Variants in TTC29 observed in about 807,000 individuals in gnomAD.
The protein encoded by TTC29 is tetratricopeptide repeat protein 29.
In TTC29, 49 loss-of-function variants were observed where a neutral mutation model predicts 58.1. The observed-to-expected ratio is 0.84, with a 90% CI of 0.67 to 1.07. TTC29 has a LOEUF of 1.07. Among genes scored for constraint, TTC29 ranks in the 50% least tolerant of loss-of-function variants. The probability of loss-of-function intolerance (pLI) is 0.00; values close to 1 mark genes in which losing one functional copy is unlikely to be tolerated. For synonymous variants in TTC29, 209 were observed against 196.8 expected (o/e 1.06, Z -0.52); for missense variants, 582 against 555.6 (o/e 1.05, Z -0.48).
At position 146,803,781 on chromosome 4, in the gene TTC29, T is replaced by C. The variant is rs146034424; in HGVS notation, c.1102-96A>G. 2.5e-4 allele frequency: 233 copies of C among 922,664 alleles called. 1 individual carries two copies. The East Asian group carries it at 6.2e-3, about 25-fold the overall frequency. 57.2% of individuals were successfully genotyped at this position (922,664 alleles called of 1,614,324 possible). On this transcript the variant is annotated intron_variant, in intron 10 of 12. Transcript: ENST00000325106. ...CCCTGGCATGTCCCACACTGACCTTTCGACAGTTACAGCAGTTCATCTTCA... is the reference window on the plus strand; with the variant it reads ...CCCTGGCATGTCCCACACTGACCTTCCGACAGTTACAGCAGTTCATCTTCA...
At chr4:146,756,295 A>G (rs1372781375) in intron 11 of TTC29, among the ~76,000 whole-genome samples, 2 of 151,378 alleles carry the variant, frequency 1.3e-5, no homozygotes, top group East Asian at 3.9e-4. Context: ...AAAAATCTGT[A>G]GTCAGATTCA....
chr4:146,921,654 T>C (rs1036975273), intron 4 of TTC29, among the ~76,000 whole-genome samples: 1 of 151,068 alleles, frequency 6.6e-6, no homozygotes, highest in African/African-American at 2.4e-5. Flanking sequence ...CCTAATAATA[T>C]AGCTTAAAAA....
At chr4:146,875,857 T>C (rs66636698) in intron 6 of TTC29, among the ~76,000 whole-genome samples, 8,152 of 152,296 alleles carry the variant, frequency 0.054, 340 homozygotes, top group East Asian at 0.13. Context: ...CCTTAAAATA[T>C]GAGCAAACAT....
intron 11 of TTC29, among the ~76,000 whole-genome samples, chr4:146,769,289 A>C (rs1331976673): frequency 6.6e-6 from 1 of 151,992 alleles, no homozygotes; most frequent in Non-Finnish European, 1.5e-5. Flanking sequence ...TTTTAGACAA[A>C]CACTGACTTA....
chr4:146,728,602 A>C (rs1743969259), intron 11 of TTC29, among the ~76,000 whole-genome samples: 1 of 150,258 alleles, frequency 6.7e-6, no homozygotes, highest in Admixed American at 6.7e-5. Flanking sequence ...GGGCCAATTT[A>C]TTTATTTATT....
intron 11 of TTC29, among the ~76,000 whole-genome samples, chr4:146,778,668 T>C (rs971408534): frequency 4.9e-4 from 75 of 152,270 alleles, no homozygotes; most frequent in African/African-American, 1.7e-3. Context: ...GCATATTTAC[T>C]TTCTAGAAAT....
At chr4:146,728,827 A>ATACATACACATATATATGTATATATACG in intron 11 of TTC29, among the ~76,000 whole-genome samples, 1 of 67,744 alleles carries the variant, frequency 1.5e-5, no homozygotes, top group Non-Finnish European at 3.2e-5. Context: ...GTATATATAC[A>ATACATACACATATATATGTATATATACG]TATATATACA....
intron 8 of TTC29, among the ~76,000 whole-genome samples, chr4:146,866,605 T>A (rs1015405731): frequency 2.0e-5 from 3 of 152,092 alleles, no homozygotes; most frequent in African/African-American, 4.8e-5. Context: ...CCCCAAGGTA[T>A]CAGAAACAAA....
chr4:146,828,301 A>G (rs989411326), intron 9 of TTC29, among the ~76,000 whole-genome samples: 1 of 152,126 alleles, frequency 6.6e-6, no homozygotes, highest in South Asian at 2.1e-4. Context: ...TGAGTATAAA[A>G]TATTAATAAA....
At chr4:146,763,578 G>T (rs551551206) in intron 11 of TTC29, among the ~76,000 whole-genome samples, 2 of 152,178 alleles carry the variant, frequency 1.3e-5, no homozygotes, top group Non-Finnish European at 2.9e-5. Context: ...TTAGGTTAGT[G>T]CTCTTAAGGC....
chr4:146,746,567 A>G (rs563679067), intron 11 of TTC29, among the ~76,000 whole-genome samples: 1 of 152,344 alleles, frequency 6.6e-6, no homozygotes, highest in South Asian at 2.1e-4. Flanking sequence ...TTTGGTTTAC[A>G]AGTATTTTCC....
chr4:146,829,004 A>G (rs1727988713), intron 9 of TTC29, among the ~76,000 whole-genome samples: 1 of 152,224 alleles, frequency 6.6e-6, no homozygotes, highest in Non-Finnish European at 1.5e-5. Context: ...GCTTATTTGT[A>G]TAAGTTAAAG....
intron 11 of TTC29, among the ~76,000 whole-genome samples, chr4:146,708,319 T>TATAA (rs1393397374): frequency 6.3e-4 from 17 of 27,184 alleles, no homozygotes; most frequent in Non-Finnish European, 2.2e-3. Flanking sequence ...TATATATATA[T>TATAA]ATATATATAT....
chr4:146,861,089 T>C (rs771259641), intron 8 of TTC29, among the ~76,000 whole-genome samples: 1 of 152,284 alleles, frequency 6.6e-6, no homozygotes, highest in South Asian at 2.1e-4. Context: ...GTTTTAAAGA[T>C]TGAATAAAGT....
chr4:146,790,049 C>T (rs1278087504), intron 11 of TTC29, among the ~76,000 whole-genome samples: 1 of 152,146 alleles, frequency 6.6e-6, no homozygotes, highest in Non-Finnish European at 1.5e-5. Context: ...ACAAGCCTTG[C>T]TTTATCTGGA....
chr4:146,753,952 C>T (rs1253130146), intron 11 of TTC29, among the ~76,000 whole-genome samples: 2 of 151,664 alleles, frequency 1.3e-5, no homozygotes, highest in South Asian at 2.1e-4. Context: ...ATACCTAATG[C>T]TAAATGACGA....
At chr4:146,927,566 A>C (rs1735024987) in intron 4 of TTC29, among the ~76,000 whole-genome samples, 3 of 152,198 alleles carry the variant, frequency 2.0e-5, no homozygotes, top group Non-Finnish European at 4.4e-5. Context: ...CTGTACTATA[A>C]TACATACATA....
At chr4:146,869,658 A>G (rs775924305) in intron 7 of TTC29, among the ~76,000 whole-genome samples, 2 of 152,076 alleles carry the variant, frequency 1.3e-5, no homozygotes, top group African/African-American at 2.4e-5. Context: ...AGCACTAGCA[A>G]CTGGCCGGGC....
At chr4:146,788,351 T>C (rs1749186242) in intron 11 of TTC29, among the ~76,000 whole-genome samples, 2 of 152,202 alleles carry the variant, frequency 1.3e-5, no homozygotes, top group Non-Finnish European at 1.5e-5. Flanking sequence ...ATATCACTAA[T>C]GTGGGGCACA....
Sources: gnomAD v4.1 joint callset for allele counts (sites outside exome capture counted in the v4.1 genomes callset) on GRCh38, gnomAD v4.1.1 for gene constraint, MANE v1.5 for transcripts, NCBI Gene and HGNC (gene_info 2026-07-23, HGNC 2026-07-21) for gene names.